The following EPHB1 variants were observed in gnomAD, a reference collection of about 807,000 sequenced individuals.
EPHB1 encodes ephrin type-B receptor 1.
EPHB1 carries 30 observed loss-of-function variants against 94.4 expected under a neutral mutation model. The observed-to-expected ratio is 0.32, with a 90% CI of 0.24 to 0.43. The LOEUF (loss-of-function observed/expected upper bound fraction) is 0.43. Among genes scored for constraint, EPHB1 ranks in the 20% least tolerant of loss-of-function variants. EPHB1 has a pLI of 1.00. For missense variants in EPHB1, 1,055 were observed against 1,308.3 expected (o/e 0.81, Z 2.99); for synonymous variants, 522 against 489.1 (o/e 1.07, Z -0.89).
intron 1 of EPHB1, among the ~76,000 whole-genome samples, chr3:134,852,084 A>G (rs559138005): frequency 6.6e-6 from 1 of 152,264 alleles, no homozygotes; most frequent in African/African-American, 2.4e-5. Context: ...TCGGCTGTGC[A>G]CTTTACCCAC....
At chr3:134,802,164 C>T (rs904379502) in intron 1 of EPHB1, among the ~76,000 whole-genome samples, 2 of 151,256 alleles carry the variant, frequency 1.3e-5, no homozygotes, top group South Asian at 2.1e-4. Context: ...AGGCCGGGCG[C>T]GGTGGCTCAT....
At chr3:135,015,095 G>T (rs55912160) in intron 3 of EPHB1, among the ~76,000 whole-genome samples, 8,023 of 152,074 alleles carry the variant, frequency 0.053, 674 homozygotes, top group African/African-American at 0.18. Flanking sequence ...TCCACCTCTG[G>T]TCCTGACTCC....
chr3:134,978,306 G>T (rs2107732147), intron 3 of EPHB1, among the ~76,000 whole-genome samples: 1 of 152,246 alleles, frequency 6.6e-6, no homozygotes, highest in South Asian at 2.1e-4. Flanking sequence ...CCACATGGTT[G>T]CTCCAGGGAT....
At chr3:135,228,884 C>A (rs1943465679) in intron 12 of EPHB1, among the ~76,000 whole-genome samples, 2 of 152,122 alleles carry the variant, frequency 1.3e-5, no homozygotes, top group Admixed American at 1.3e-4. Flanking sequence ...TATCTTCTTT[C>A]CTTCTTTCCT....
intron 1 of EPHB1, among the ~76,000 whole-genome samples, chr3:134,832,922 G>C (rs1315087360): frequency 6.6e-6 from 1 of 152,224 alleles, no homozygotes; most frequent in African/African-American, 2.4e-5. Context: ...CGGTTTATGT[G>C]ATTCTCACTT....
intron 12 of EPHB1, among the ~76,000 whole-genome samples, chr3:135,217,784 G>C (rs1307358677): frequency 6.6e-6 from 1 of 152,132 alleles, no homozygotes; most frequent in Admixed American, 6.5e-5. Context: ...TTATCTCCAA[G>C]ATAATCCTTT....
chr3:135,196,035 T>TGGCA, intron 11 of EPHB1, among the ~76,000 whole-genome samples: 1 of 143,132 alleles, frequency 7.0e-6, no homozygotes, highest in Non-Finnish European at 1.5e-5. Context: ...TTCTAACTGG[T>TGGCA]GTGAGATGGT....
At chr3:135,124,377 G>A (rs535079769) in intron 4 of EPHB1, among the ~76,000 whole-genome samples, 2 of 151,780 alleles carry the variant, frequency 1.3e-5, no homozygotes, top group African/African-American at 4.9e-5. Flanking sequence ...TCTACGTATT[G>A]AAATGTTTTC....
rs192260 is a variant in EPHB1 at position 134,953,576 on chromosome 3, C to T, written c.805+1524C>T. On this transcript the variant is annotated intron_variant, in intron 3 of 15. Coordinates refer to ENST00000398015, the MANE Select transcript of EPHB1 (RefSeq NM_004441.5). ...GGGGACCAAGGCACCAGGCTGAGTT[C>T]TTAAAGGCACAGGTGCAGCAGCTTC... is the stretch of plus-strand genomic sequence containing the variant. 6.6e-3 allele frequency among the ~76,000 whole-genome samples: 1,011 copies of T among 152,344 alleles called. 15 individuals are homozygous for T. Among genetic ancestry groups the T allele is most frequent in the African/African-American group, 0.023 (967 of 41,594 alleles).
chr3:134,866,389 G>A (rs565284919), intron 1 of EPHB1, among the ~76,000 whole-genome samples: 1 of 152,290 alleles, frequency 6.6e-6, no homozygotes, highest in South Asian at 2.1e-4. Flanking sequence ...CTCAGAGGTG[G>A]GCTTAAGAGG....
rs768483655 is a variant in EPHB1, at chr3:135,249,509, C to G, written c.2846+18C>G. On this transcript the variant is annotated intron_variant, in intron 15 of 15. Coordinates refer to ENST00000398015, the MANE Select transcript of EPHB1 (RefSeq NM_004441.5). ...ACATCAGAGTAAGTGATGAGAATCTCTCTGTCCAGACCACACCTAGGGGTC... is the reference window on the plus strand; with the variant it reads ...ACATCAGAGTAAGTGATGAGAATCTGTCTGTCCAGACCACACCTAGGGGTC... 6.2e-7 allele frequency: 1 copy of G among 1,609,986 alleles called. No individual in the cohort carries two copies. The highest frequency in any genetic ancestry group is 1.3e-5 in the African/African-American group (1 of 74,908).
At position 135,078,558 on chromosome 3, in the gene EPHB1, G is replaced by C. The variant is rs971768371; in HGVS notation, c.806-27890G>C. Among the ~76,000 whole-genome samples the C allele has an allele frequency of 2.0e-5, 3 of 152,358 alleles. No homozygotes were observed. The South Asian group carries it at 6.2e-4, about 32-fold the overall frequency. ...TCTCTGGCCACAGCGAAATGGGTGG[G>C]ATCTTTTGAAAGAATGATCTGTAAG... On this transcript the variant is annotated intron_variant, in intron 3 of 15. Coordinates refer to ENST00000398015, the MANE Select transcript of EPHB1 (RefSeq NM_004441.5).
chr3:134,943,013 T>C (rs1370349664), intron 2 of EPHB1, among the ~76,000 whole-genome samples: 1 of 152,122 alleles, frequency 6.6e-6, no homozygotes, highest in East Asian at 1.9e-4. Context: ...GGCAGATAAA[T>C]CTAAGCCAGG....
At chr3:135,217,359 C>A (rs1314265692) in intron 12 of EPHB1, among the ~76,000 whole-genome samples, 1 of 149,424 alleles carries the variant, frequency 6.7e-6, no homozygotes, top group Non-Finnish European at 1.5e-5. Flanking sequence ...TAGGGGAACT[C>A]TGTGATGAGG....
intron 5 of EPHB1, among the ~76,000 whole-genome samples, chr3:135,150,824 A>C (rs1053275364): frequency 6.6e-6 from 1 of 152,204 alleles, no homozygotes; most frequent in Non-Finnish European, 1.5e-5. Flanking sequence ...TTATGCACCT[A>C]TCTGGTACTC....
chr3:134,885,831 A>G (rs886584166), intron 1 of EPHB1, among the ~76,000 whole-genome samples: 2 of 152,170 alleles, frequency 1.3e-5, no homozygotes, highest in African/African-American at 4.8e-5. Context: ...CTCTCATGAC[A>G]GACTTTTGGA....
At chr3:134,816,285 G>A (rs985354777) in intron 1 of EPHB1, among the ~76,000 whole-genome samples, 1 of 151,860 alleles carries the variant, frequency 6.6e-6, no homozygotes, top group African/African-American at 2.4e-5. Flanking sequence ...GTAGAGACGG[G>A]GTTTCACCAT....
At position 135,227,965 on chromosome 3, in the gene EPHB1, G is replaced by A. The variant is rs149530172; in HGVS notation, c.2347-13183G>A. 3.4e-3 allele frequency among the ~76,000 whole-genome samples: 510 copies of A among 151,944 alleles called. 1 individual carries two copies. The highest frequency in any genetic ancestry group is 0.01 in the African/African-American group (429 of 41,448). ...ATCGCTCTTTATTCTTAGACTCTTC[G>A]TGTGTATTTCCGTATTTCCTAAGAA... On this transcript the variant is annotated intron_variant, in intron 12 of 15. Transcript: ENST00000398015.
chr3:135,170,686 C>G (rs954333639), intron 9 of EPHB1, among the ~76,000 whole-genome samples: 4 of 152,118 alleles, frequency 2.6e-5, no homozygotes, highest in African/African-American at 9.7e-5. Flanking sequence ...GTTTGAGAAT[C>G]TATCTTGAAA....
Sources: allele counts gnomAD v4.1 joint callset (sites outside exome capture counted in the v4.1 genomes callset), GRCh38; gene constraint gnomAD v4.1.1; transcripts MANE v1.5; gene names NCBI Gene and HGNC (gene_info 2026-07-23, HGNC 2026-07-21).